The following HPSE2 variants were observed in gnomAD, a reference collection of about 807,000 sequenced individuals.
HPSE2 encodes inactive heparanase-2.
HPSE2 carries 38 observed loss-of-function variants against 60.5 expected under a neutral mutation model. The observed-to-expected ratio is 0.63, with a 90% CI of 0.48 to 0.82. The LOEUF (loss-of-function observed/expected upper bound fraction) is 0.82. Among genes scored for constraint, HPSE2 ranks in the 40% least tolerant of loss-of-function variants. The pLI, the probability that HPSE2 is intolerant of heterozygous loss-of-function variation, is 0.00. For missense variants in HPSE2, 713 were observed against 740.4 expected (o/e 0.96, Z 0.43); for synonymous variants, 295 against 293.2 (o/e 1.01, Z -0.06).
intron 3 of HPSE2, among the ~76,000 whole-genome samples, chr10:99,050,920 A>G (rs1367212400): frequency 2.0e-5 from 3 of 152,032 alleles, no homozygotes; most frequent in Non-Finnish European, 4.4e-5. Flanking sequence ...CAAATATTTG[A>G]GGTTTGGATA....
intron 3 of HPSE2, among the ~76,000 whole-genome samples, chr10:98,989,727 G>T (rs1057291185): frequency 4.6e-5 from 7 of 152,054 alleles, no homozygotes; most frequent in Non-Finnish European, 8.8e-5. Flanking sequence ...AAGCAGTTTT[G>T]AATATTTCAT....
intron 3 of HPSE2, among the ~76,000 whole-genome samples, chr10:99,068,070 C>T (rs530930491): frequency 2.0e-5 from 3 of 152,280 alleles, no homozygotes; most frequent in East Asian, 3.9e-4. Context: ...AGTTCCTCAT[C>T]TCCATCTGAG....
intron 3 of HPSE2, among the ~76,000 whole-genome samples, chr10:99,047,404 T>G (rs1957880909): frequency 6.6e-6 from 1 of 152,172 alleles, no homozygotes; most frequent in African/African-American, 2.4e-5. Flanking sequence ...TTTTCAATAT[T>G]GGTCTAGGCA....
intron 3 of HPSE2, among the ~76,000 whole-genome samples, chr10:99,049,888 A>T (rs1957949562): frequency 1.3e-5 from 2 of 152,204 alleles, no homozygotes; most frequent in Admixed American, 1.3e-4. Flanking sequence ...GAACTCTGAC[A>T]ACTTAATAAT....
chr10:98,560,852 AACT>A lies in HPSE2; in HGVS notation c.1320+54049_1320+54051del, dbSNP rs529618392. Among the ~76,000 whole-genome samples the A allele has an allele frequency of 1.8e-4, 20 of 109,642 alleles. No homozygotes were observed. The South Asian group carries it at 7.6e-3, about 42-fold the overall frequency. The allele number at this position is 109,642 out of a possible 152,430, so 71.9% of individuals were successfully genotyped here. On this transcript the variant is annotated intron_variant, in intron 9 of 11. Transcript: ENST00000370552. Reference sequence around the variant, plus strand: ...TTGTGGTAATCATGGTAAAAAACAAAACTACTGCACAGCCAGTTGTACAGTTGT... The same window carrying A: ...TTGTGGTAATCATGGTAAAAAACAAAACTGCACAGCCAGTTGTACAGTTGT...
intron 9 of HPSE2, among the ~76,000 whole-genome samples, chr10:98,598,577 C>T (rs1311514283): frequency 2.6e-5 from 4 of 151,642 alleles, no homozygotes; most frequent in East Asian, 3.9e-4. Flanking sequence ...GGGTCCACAG[C>T]GTTGTGACTG....
Position 98,721,815 on chromosome 10 carries a change from A to G in HPSE2, c.798T>C (p.Tyr266=), listed in dbSNP as rs1948933357. Residue 266 remains tyrosine (Y), a synonymous_variant, in exon 5 of 12, where the codon TAT becomes TAC. Transcript: ENST00000370552. ...TTACTGCCCGGCCATGCATGGTCCGATAGTTATTTGGCTCTAGATTAAAAG... is the reference window on the plus strand; with the variant it reads ...TTACTGCCCGGCCATGCATGGTCCGGTAGTTATTTGGCTCTAGATTAAAAG... ...SWELGNEPNN[Y]RTMHGRAVNG... 6.2e-7 allele frequency: 1 copy of G among 1,613,626 alleles called. No homozygotes were observed. Among genetic ancestry groups the G allele is most frequent in the Non-Finnish European group, 8.5e-7 (1 of 1,179,766 alleles).
At chr10:98,840,368 A>G (rs1012530458) in intron 3 of HPSE2, among the ~76,000 whole-genome samples, 1 of 152,192 alleles carries the variant, frequency 6.6e-6, no homozygotes, top group Non-Finnish European at 1.5e-5. Context: ...TGAACAGAGG[A>G]ATGCCTTGAA....
intron 4 of HPSE2, among the ~76,000 whole-genome samples, chr10:98,735,963 C>T (rs569301906): frequency 3.7e-4 from 56 of 152,144 alleles, no homozygotes; most frequent in African/African-American, 1.3e-3. Flanking sequence ...GTTGGGAAGG[C>T]ATGATTGGTT....
intron 9 of HPSE2, among the ~76,000 whole-genome samples, chr10:98,502,362 A>G (rs933787214): frequency 1.3e-5 from 2 of 152,216 alleles, no homozygotes; most frequent in African/African-American, 4.8e-5. Flanking sequence ...ATATAGACCA[A>G]TGGAACAGAA....
intron 3 of HPSE2, among the ~76,000 whole-genome samples, chr10:99,007,608 A>G (rs1182555870): frequency 6.6e-6 from 1 of 152,214 alleles, no homozygotes; most frequent in African/African-American, 2.4e-5. Context: ...GCTGACATCA[A>G]TCTGGACTTT....
intron 9 of HPSE2, among the ~76,000 whole-genome samples, chr10:98,605,391 A>T (rs774964318): frequency 2.0e-5 from 3 of 152,224 alleles, no homozygotes; most frequent in African/African-American, 4.8e-5. Context: ...TGTTCTACAG[A>T]AACTAAAACA....
At chr10:98,979,958 C>A (rs886600313) in intron 3 of HPSE2, among the ~76,000 whole-genome samples, 6 of 152,136 alleles carry the variant, frequency 3.9e-5, no homozygotes, top group African/African-American at 1.4e-4. Context: ...GAGTGGATAT[C>A]CATTTTTGTA....
At chr10:98,952,557 G>A (rs779520316) in intron 3 of HPSE2, among the ~76,000 whole-genome samples, 5 of 152,012 alleles carry the variant, frequency 3.3e-5, no homozygotes, top group Non-Finnish European at 7.4e-5. Flanking sequence ...CTGTTGCTCT[G>A]GCCAAAGAAA....
chr10:99,281,434 A>G, the HPSE2 span, among the ~76,000 whole-genome samples: 1 of 151,910 alleles, frequency 6.6e-6, no homozygotes, highest in African/African-American at 2.4e-5. Context: ...TTCTGTTATA[A>G]TAAAAGTGTC....
At chr10:99,046,938 C>A (rs941668536) in intron 3 of HPSE2, among the ~76,000 whole-genome samples, 2 of 152,240 alleles carry the variant, frequency 1.3e-5, no homozygotes, top group South Asian at 4.1e-4. Context: ...CTACCAGCAT[C>A]ATTCTTCACA....
intron 6 of HPSE2, among the ~76,000 whole-genome samples, chr10:98,689,407 T>G (rs1948015547): frequency 6.6e-6 from 1 of 152,210 alleles, no homozygotes. Flanking sequence ...TTTCAGATAC[T>G]CTTCTTTTCA....
intron 3 of HPSE2, among the ~76,000 whole-genome samples, chr10:98,833,518 C>T (rs567964416): frequency 1.3e-5 from 2 of 152,306 alleles, no homozygotes; most frequent in African/African-American, 4.8e-5. Flanking sequence ...GCACTTATGT[C>T]AGATACTGTA....
chr10:98,933,093 G>C lies in HPSE2; in HGVS notation c.611-189037C>G, dbSNP rs545097437. Among the ~76,000 whole-genome samples the C allele has an allele frequency of 7.8e-4, 113 of 144,092 alleles. 11 individuals carry two copies. In the Middle Eastern group the frequency reaches 0.011, roughly 14 times the overall value. The allele number at this position is 144,092 out of a possible 152,430, so 94.5% of individuals were successfully genotyped here. Reference sequence around the variant, plus strand: ...TGAGATCTTTCTAGCTTTTTGATGTGAGTATTTAGTACTATAGATTTCCCT... The same window carrying C: ...TGAGATCTTTCTAGCTTTTTGATGTCAGTATTTAGTACTATAGATTTCCCT... On this transcript the variant is annotated intron_variant, in intron 3 of 11. Transcript: ENST00000370552.
Sources: gnomAD v4.1 joint callset for allele counts (sites outside exome capture counted in the v4.1 genomes callset) on GRCh38, gnomAD v4.1.1 for gene constraint, MANE v1.5 for transcripts, NCBI Gene and HGNC (gene_info 2026-07-23, HGNC 2026-07-21) for gene names.